TENM4: variants seen among roughly 807,000 people sequenced by gnomAD.
TENM4 encodes the protein teneurin-4.
Under a neutral mutation model 243.3 loss-of-function variants are expected in TENM4, and 82 were observed. The observed-to-expected ratio is 0.34, with a 90% CI of 0.28 to 0.40. The LOEUF is 0.40. TENM4 is among the 10% of genes least tolerant of loss of function. The pLI is 1.00. For synonymous variants in TENM4, 1,412 were observed against 1,456.3 expected, an observed-to-expected ratio of 0.97 and a Z score of 0.69; for missense variants, 3,138 against 3,673.3, an observed-to-expected ratio of 0.85 and a Z score of 3.77.
At chr11:78,692,782 G>T (rs764676272) in intron 28 of TENM4, among the ~76,000 whole-genome samples, 1 of 152,148 alleles carries the variant, frequency 6.6e-6, no homozygotes, top group Non-Finnish European at 1.5e-5. Flanking sequence ...GCATGCTGGG[G>T]TGCTCATGCT....
chr11:79,113,651 G>A (rs753093505), intron 4 of TENM4, among the ~76,000 whole-genome samples: 2 of 151,864 alleles, frequency 1.3e-5, no homozygotes, highest in Non-Finnish European at 2.9e-5. Flanking sequence ...TGCCAGCCTA[G>A]GCACTGGGGA....
chr11:79,100,763 A>C (rs1347664917), intron 4 of TENM4, among the ~76,000 whole-genome samples: 2 of 152,170 alleles, frequency 1.3e-5, no homozygotes, highest in African/African-American at 4.8e-5. Context: ...CTCCAGGAAT[A>C]AACTTACAAG....
chr11:79,117,625 C>T (rs1861650314), intron 4 of TENM4, among the ~76,000 whole-genome samples: 1 of 152,196 alleles, frequency 6.6e-6, no homozygotes, highest in Admixed American at 6.5e-5. Flanking sequence ...CAAGCCAGTT[C>T]CAAGTGTAGC....
chr11:78,813,414 C>T (rs896510335), intron 13 of TENM4, among the ~76,000 whole-genome samples: 7 of 152,178 alleles, frequency 4.6e-5, no homozygotes, highest in African/African-American at 7.2e-5. Context: ...TGTGTTATAG[C>T]GTATTTCACT....
chr11:79,115,904 A>G (rs1410593069), intron 4 of TENM4, among the ~76,000 whole-genome samples: 2 of 152,192 alleles, frequency 1.3e-5, no homozygotes, highest in Admixed American at 1.3e-4. Flanking sequence ...CGAAGAGTCT[A>G]GGTTTCTCTA....
At chr11:79,417,633 C>T (rs890198288) in intron 1 of TENM4, among the ~76,000 whole-genome samples, 7 of 152,202 alleles carry the variant, frequency 4.6e-5, no homozygotes, top group Non-Finnish European at 7.3e-5. Flanking sequence ...ATGTATGTCT[C>T]CTATAGTCCT....
intron 6 of TENM4, among the ~76,000 whole-genome samples, chr11:78,980,874 T>C (rs1857777201): frequency 6.6e-6 from 1 of 152,172 alleles, no homozygotes; most frequent in Admixed American, 6.5e-5. Context: ...TATCTTTAAT[T>C]CCCACAGAAA....
intron 1 of TENM4, among the ~76,000 whole-genome samples, chr11:79,303,858 G>A (rs1338054303): frequency 6.6e-6 from 1 of 152,184 alleles, no homozygotes; most frequent in Admixed American, 6.5e-5. Flanking sequence ...ATTGGGATGG[G>A]GTTTGGGCTG....
chr11:79,119,777 T>C (rs904071753), intron 4 of TENM4, among the ~76,000 whole-genome samples: 2 of 152,110 alleles, frequency 1.3e-5, no homozygotes, highest in Non-Finnish European at 2.9e-5. Flanking sequence ...GCCCCTCTAC[T>C]CTCTCCCATC....
intron 9 of TENM4, among the ~76,000 whole-genome samples, chr11:78,873,571 C>CA (rs1418025178): frequency 6.6e-6 from 1 of 152,226 alleles, no homozygotes; most frequent in Non-Finnish European, 1.5e-5. Context: ...CACTATACCA[C>CA]ACTGCTTTTC....
At chr11:79,267,878 G>C (rs1336643430) in intron 2 of TENM4, among the ~76,000 whole-genome samples, 2 of 152,328 alleles carry the variant, frequency 1.3e-5, no homozygotes, top group South Asian at 2.1e-4. Flanking sequence ...CCAGACACCT[G>C]TATCACCTAT....
chr11:79,305,851 G>C (rs1856617641), intron 1 of TENM4, among the ~76,000 whole-genome samples: 1 of 152,216 alleles, frequency 6.6e-6, no homozygotes, highest in African/African-American at 2.4e-5. Flanking sequence ...AACTTCATTT[G>C]TGAAGCCACT....
At chr11:78,686,276 A>C (rs1221630260) in intron 29 of TENM4, among the ~76,000 whole-genome samples, 3 of 152,210 alleles carry the variant, frequency 2.0e-5, no homozygotes, top group African/African-American at 7.2e-5. Context: ...ACGGAGGTCC[A>C]TGGAGGGGTG....
intron 17 of TENM4, among the ~76,000 whole-genome samples, chr11:78,777,315 C>G (rs182424515): frequency 1.0e-3 from 159 of 152,250 alleles, no homozygotes; most frequent in Non-Finnish European, 1.7e-3. Context: ...GGATCCTATG[C>G]GACACCTTTG....
intron 1 of TENM4, among the ~76,000 whole-genome samples, chr11:79,433,091 C>T (rs1406030256): frequency 2.6e-5 from 4 of 152,186 alleles, no homozygotes; most frequent in African/African-American, 9.7e-5. Context: ...AGAATGGGCA[C>T]ATCCCTTTAT....
At chr11:78,938,313 A>G (rs984383205) in intron 6 of TENM4, among the ~76,000 whole-genome samples, 9 of 152,350 alleles carry the variant, frequency 5.9e-5, no homozygotes, top group Non-Finnish European at 1.0e-4. Context: ...TTGCAAAAAT[A>G]GTACAAAGAG....
At chr11:79,099,943 C>T (rs1314366383) in intron 4 of TENM4, among the ~76,000 whole-genome samples, 1 of 152,166 alleles carries the variant, frequency 6.6e-6, no homozygotes, top group Non-Finnish European at 1.5e-5. Context: ...ATTTGCTGCC[C>T]CAAGTATGGG....
chr11:79,331,260 G>A (rs1857057898), intron 1 of TENM4, among the ~76,000 whole-genome samples: 1 of 151,990 alleles, frequency 6.6e-6, no homozygotes, highest in Non-Finnish European at 1.5e-5. Context: ...TGCACAGCCA[G>A]CATTTTTTCC....
At chr11:79,320,642 G>T (rs555623932) in intron 1 of TENM4, among the ~76,000 whole-genome samples, 1 of 152,040 alleles carries the variant, frequency 6.6e-6, no homozygotes, top group African/African-American at 2.4e-5. Flanking sequence ...TCCAGAACCC[G>T]CATTTTAGCC....
Sources: gnomAD v4.1 joint callset for allele counts (sites outside exome capture counted in the v4.1 genomes callset) on GRCh38, gnomAD v4.1.1 for gene constraint, MANE v1.5 for transcripts, NCBI Gene and HGNC (gene_info 2026-07-23, HGNC 2026-07-21) for gene names.